LARGE1: variants seen among roughly 807,000 people sequenced by gnomAD.
The protein encoded by LARGE1 is LARGE xylosyl- and glucuronyltransferase 1.
A neutral mutation model predicts 87.6 loss-of-function variants in LARGE1; 43 were observed. That is an observed-to-expected ratio of 0.49 (90% CI 0.38 to 0.63). The LOEUF (loss-of-function observed/expected upper bound fraction) is 0.63, where lower values mean the gene tolerates loss of function less well. LARGE1 is among the 30% of genes least tolerant of loss of function. The pLI is 0.00. For synonymous variants in LARGE1, 434 were observed against 394.6 expected (o/e 1.10, Z -1.18); for missense variants, 802 against 1,000.2 (o/e 0.80, Z 2.67).
chr22:33,346,855 C>T (rs755841776), intron 9 of LARGE1, among the ~76,000 whole-genome samples: 10 of 152,176 alleles, frequency 6.6e-5, no homozygotes, highest in Non-Finnish European at 1.0e-4. Context: ...ACCTTGCAGC[C>T]AGGGGTGGCC....
At chr22:33,244,571 C>T (rs1387325343) in intron 11 of LARGE1, among the ~76,000 whole-genome samples, 3 of 152,150 alleles carry the variant, frequency 2.0e-5, no homozygotes, top group African/African-American at 7.2e-5. Context: ...GCAGGACAAC[C>T]TAAGCCCCTT....
intron 9 of LARGE1, among the ~76,000 whole-genome samples, chr22:33,369,936 A>T (rs953229343): frequency 6.1e-5 from 6 of 98,092 alleles, no homozygotes; most frequent in Non-Finnish European, 8.9e-5. Context: ...AGCCAAGATT[A>T]AAAAAAAAAA....
intron 11 of LARGE1, among the ~76,000 whole-genome samples, chr22:33,196,414 G>A (rs1924085641): frequency 6.6e-6 from 1 of 152,050 alleles, no homozygotes; most frequent in Admixed American, 6.5e-5. Flanking sequence ...ATGGGGAAAT[G>A]TATTTTTAAA....
At chr22:33,897,193 GA>G (rs1199612141) in intron 1 of LARGE1, among the ~76,000 whole-genome samples, 2 of 152,082 alleles carry the variant, frequency 1.3e-5, no homozygotes, top group Non-Finnish European at 2.9e-5. Context: ...CACAACTGTT[GA>G]ATCCCACACA....
At chr22:33,339,269 G>A (rs1938872304) in intron 9 of LARGE1, among the ~76,000 whole-genome samples, 1 of 148,900 alleles carries the variant, frequency 6.7e-6, no homozygotes, top group Non-Finnish European at 1.5e-5. Flanking sequence ...CTGGGACAGA[G>A]GGAAGATGTG....
chr22:33,087,764 A>G, the LARGE1 span, among the ~76,000 whole-genome samples: 1 of 151,992 alleles, frequency 6.6e-6, no homozygotes, highest in East Asian at 1.9e-4. Context: ...GCGAAACCCC[A>G]TCTCTACTAA....
intron 2 of LARGE1, among the ~76,000 whole-genome samples, chr22:33,692,297 T>C (rs1349392702): frequency 7.0e-6 from 1 of 142,832 alleles, no homozygotes; most frequent in Admixed American, 7.1e-5. Flanking sequence ...CCTTCCCCAA[T>C]AACAGCAACA....
At chr22:33,411,365 T>G (rs2066299864) in intron 7 of LARGE1, among the ~76,000 whole-genome samples, 1 of 152,248 alleles carries the variant, frequency 6.6e-6, no homozygotes, top group Admixed American at 6.5e-5. Flanking sequence ...AGAGATCATC[T>G]GCCTAAATTG....
chr22:33,285,233 T>A (rs912459960), intron 12 of LARGE1, among the ~76,000 whole-genome samples: 1 of 152,062 alleles, frequency 6.6e-6, no homozygotes, highest in Non-Finnish European at 1.5e-5. Context: ...TCTGTTTCCA[T>A]CTCTGAGATA....
At chr22:33,872,985 A>G (rs2064343806) in intron 1 of LARGE1, 1 of 147,908 alleles carries the variant, frequency 6.8e-6, no homozygotes, top group Non-Finnish European at 1.5e-5. Flanking sequence ...GGGTGCCAAG[A>G]GCAAAATTCT....
intron 6 of LARGE1, among the ~76,000 whole-genome samples, chr22:33,490,961 C>G (rs1312197196): frequency 6.6e-6 from 1 of 152,160 alleles, no homozygotes; most frequent in Admixed American, 6.6e-5. Context: ...TACATGTTCT[C>G]TGAGAGAAAG....
At chr22:33,466,370 C>CCTCTCTCT (rs145185909) in intron 6 of LARGE1, among the ~76,000 whole-genome samples, 1 of 144,512 alleles carries the variant, frequency 6.9e-6, no homozygotes, top group Non-Finnish European at 1.5e-5. Context: ...TTTTCTCTTG[C>CCTCTCTCT]CTCTCTCTCT....
chr22:33,408,736 G>T (rs2066195623), intron 7 of LARGE1, among the ~76,000 whole-genome samples: 1 of 145,780 alleles, frequency 6.9e-6, no homozygotes, highest in Non-Finnish European at 1.5e-5. Flanking sequence ...ATCTGAAAAT[G>T]GAAAAACCCA....
At chr22:33,629,666 A>C (rs2080041073) in intron 3 of LARGE1, among the ~76,000 whole-genome samples, 1 of 152,146 alleles carries the variant, frequency 6.6e-6, no homozygotes, top group Non-Finnish European at 1.5e-5. Context: ...TCCTTGAAAG[A>C]ATGGGGTCAC....
At chr22:33,593,443 A>G (rs1254127327) in intron 5 of LARGE1, among the ~76,000 whole-genome samples, 1 of 152,072 alleles carries the variant, frequency 6.6e-6, no homozygotes, top group Non-Finnish European at 1.5e-5. Context: ...GTCTCTGTCT[A>G]TTTTGCTCAA....
intron 6 of LARGE1, among the ~76,000 whole-genome samples, chr22:33,550,140 T>TACACACAC (rs1491548502): frequency 1.4e-4 from 14 of 96,696 alleles, no homozygotes; most frequent in African/African-American, 5.9e-4. Context: ...GAACTTAAAG[T>TACACACAC]ATACACACAC....
the LARGE1 span, among the ~76,000 whole-genome samples, chr22:33,075,333 A>G: frequency 6.6e-6 from 1 of 152,228 alleles, no homozygotes; most frequent in Non-Finnish European, 1.5e-5. Flanking sequence ...AGTAGTGACA[A>G]AGAAAATCCT....
chr22:33,785,079 A>G (rs1009267804), intron 1 of LARGE1, among the ~76,000 whole-genome samples: 1 of 134,596 alleles, frequency 7.4e-6, no homozygotes, highest in Non-Finnish European at 1.6e-5. Context: ...ATGTGTATAC[A>G]TACATATGTG....
chr22:33,685,316 A>C (rs2081912220), intron 2 of LARGE1, among the ~76,000 whole-genome samples: 1 of 152,216 alleles, frequency 6.6e-6, no homozygotes, highest in South Asian at 2.1e-4. Context: ...CATCTAATAA[A>C]GCATGTACAA....
Sources: allele counts gnomAD v4.1 joint callset (sites outside exome capture counted in the v4.1 genomes callset), GRCh38; gene constraint gnomAD v4.1.1; transcripts MANE v1.5; gene names NCBI Gene and HGNC (gene_info 2026-07-23, HGNC 2026-07-21).